SLC24A3: variants seen among roughly 807,000 people sequenced by gnomAD.
The protein encoded by SLC24A3 is solute carrier family 24 member 3, also known as sodium/potassium/calcium exchanger 3.
SLC24A3 carries 28 observed loss-of-function variants against 75.8 expected under a neutral mutation model. The observed-to-expected ratio is 0.37, with a 90% CI of 0.27 to 0.51. SLC24A3 has a LOEUF of 0.51. SLC24A3 is among the 20% of genes least tolerant of loss of function. The pLI, the probability that SLC24A3 is intolerant of heterozygous loss-of-function variation, is 0.94. For missense variants in SLC24A3, 663 were observed against 847.8 expected (o/e 0.78, Z 2.71); for synonymous variants, 372 against 334.1 (o/e 1.11, Z -1.24).
chr20:19,281,230 A>G, intron 2 of SLC24A3, 143 bp downstream of exon 2: 1 of 1,237,640 alleles, frequency 8.1e-7, no homozygotes, highest in Non-Finnish European at 1.1e-6. Flanking sequence ...AGAAACTTTC[A>G]GGTGACATCC....
Position 19,408,287 on chromosome 20 carries a change from AT to A in SLC24A3, c.272-107193del, listed in dbSNP as rs202228844. On this transcript the variant is annotated intron_variant, in intron 2 of 16. Transcript: ENST00000328041. ...TGTTGTCATTAAAAATTCTATAAAC[AT>A]TTTTTTTAAATCTACATAATGCTTT... is the stretch of plus-strand genomic sequence containing the variant. Among the ~76,000 whole-genome samples, 996 of 151,740 alleles carry A rather than the reference AT, an allele frequency of 6.6e-3. 9 individuals are homozygous for A. Among genetic ancestry groups the A allele is most frequent in the African/African-American group, 0.022 (891 of 41,380 alleles).
chr20:19,649,128 A>C, intron 6 of SLC24A3, among the ~76,000 whole-genome samples: 1 of 152,154 alleles, frequency 6.6e-6, no homozygotes, highest in East Asian at 1.9e-4. Context: ...TCATCAACCT[A>C]CTGTGGCTTG....
At chr20:19,288,936 C>A (rs1176863761) in intron 2 of SLC24A3, among the ~76,000 whole-genome samples, 1 of 152,198 alleles carries the variant, frequency 6.6e-6, no homozygotes, top group Non-Finnish European at 1.5e-5. Flanking sequence ...GCAACACAGA[C>A]CACAGGGCTT....
chr20:19,664,039 TC>T (rs1400633871), intron 7 of SLC24A3, among the ~76,000 whole-genome samples: 1 of 152,180 alleles, frequency 6.6e-6, no homozygotes, highest in Non-Finnish European at 1.5e-5. Context: ...TTGCCTGCCT[TC>T]CCTGATAGAA....
chr20:19,410,733 A>G (rs1024182), intron 2 of SLC24A3, among the ~76,000 whole-genome samples: 6,913 of 152,290 alleles, frequency 0.045, 539 homozygotes, highest in African/African-American at 0.16. Context: ...AAGTGAATGA[A>G]AGAATCCAAT....
chr20:19,457,572 G>T (rs1182110121), intron 2 of SLC24A3, among the ~76,000 whole-genome samples: 2 of 152,188 alleles, frequency 1.3e-5, no homozygotes, highest in Non-Finnish European at 2.9e-5. Flanking sequence ...CACTAGCTGG[G>T]AATATTTGAG....
chr20:19,589,439 C>T, intron 6 of SLC24A3, among the ~76,000 whole-genome samples: 1 of 152,142 alleles, frequency 6.6e-6, no homozygotes, highest in East Asian at 1.9e-4. Flanking sequence ...GCGGAGTGGA[C>T]CTTGGGGCCC....
chr20:19,466,510 T>C (rs1474341260), intron 2 of SLC24A3, among the ~76,000 whole-genome samples: 1 of 152,188 alleles, frequency 6.6e-6, no homozygotes, highest in Admixed American at 6.5e-5. Flanking sequence ...CTCTTATGCT[T>C]CTGGAATAGT....
At chr20:19,598,394 C>T (rs1329733444) in intron 6 of SLC24A3, among the ~76,000 whole-genome samples, 1 of 152,148 alleles carries the variant, frequency 6.6e-6, no homozygotes, top group Non-Finnish European at 1.5e-5. Context: ...ACGTGTCCGG[C>T]TTTCACTGGC....
At chr20:19,687,138 G>T (rs2032685673) in intron 12 of SLC24A3, among the ~76,000 whole-genome samples, 1 of 152,164 alleles carries the variant, frequency 6.6e-6, no homozygotes, top group African/African-American at 2.4e-5. Flanking sequence ...CGTAATGAAG[G>T]TGTAGCCAGG....
intron 15 of SLC24A3, among the ~76,000 whole-genome samples, chr20:19,701,590 C>T (rs778356699): frequency 8.5e-5 from 13 of 152,222 alleles, no homozygotes; most frequent in East Asian, 5.8e-4. Flanking sequence ...CTCAGTCATA[C>T]GTGACAAGGA....
At chr20:19,283,247 A>ACTGTT (rs141396719) in intron 2 of SLC24A3, 4,417 of 152,696 alleles carry the variant, frequency 0.029, 74 homozygotes, top group African/African-American at 0.037. Context: ...TCAAATCCTA[A>ACTGTT]CACATCAAGG....
chr20:19,589,381 G>A (rs528552363), intron 6 of SLC24A3, among the ~76,000 whole-genome samples: 56 of 152,350 alleles, frequency 3.7e-4, no homozygotes, highest in African/African-American at 1.2e-3. Flanking sequence ...GTTAAAGACT[G>A]CACTTAAGGG....
chr20:19,404,161 G>A (rs1175696761), intron 2 of SLC24A3, among the ~76,000 whole-genome samples: 1 of 152,144 alleles, frequency 6.6e-6, no homozygotes, highest in Non-Finnish European at 1.5e-5. Context: ...TTAAAATTCA[G>A]TTTTACTCAG....
At chr20:19,314,280 T>TATTTTATTTC (rs1984528163) in intron 2 of SLC24A3, among the ~76,000 whole-genome samples, 2 of 105,358 alleles carry the variant, frequency 1.9e-5, no homozygotes, top group Non-Finnish European at 3.6e-5. Flanking sequence ...TTTATTTATT[T>TATTTTATTTC]ATTTTATTTT....
chr20:19,325,790 A>ATG lies in SLC24A3; in HGVS notation c.271+44704_271+44705insGT, dbSNP rs1415148666. Among the ~76,000 whole-genome samples the ATG allele has an allele frequency of 2.2e-3, 219 of 97,388 alleles. 7 individuals are homozygous for ATG. The highest frequency in any genetic ancestry group is 7.8e-3 in the African/African-American group (213 of 27,280). The allele number at this position is 97,388 out of a possible 152,430, so 63.9% of individuals were successfully genotyped here. ...CATATATATATACATATATATATAT[A>ATG]TATATAGAGAGAGAGAGAGAGAGAG... On this transcript the variant is annotated intron_variant, in intron 2 of 16. Transcript: ENST00000328041.
chr20:19,392,278 G>A (rs1986380028), intron 2 of SLC24A3, among the ~76,000 whole-genome samples: 1 of 152,180 alleles, frequency 6.6e-6, no homozygotes, highest in African/African-American at 2.4e-5. Context: ...GTACAGGTGG[G>A]CAGAAGGGTG....
intron 2 of SLC24A3, among the ~76,000 whole-genome samples, chr20:19,380,371 C>T (rs1367763953): frequency 6.6e-6 from 1 of 152,142 alleles, no homozygotes; most frequent in African/African-American, 2.4e-5. Context: ...AATACTAGTC[C>T]TTGTGGGTTG....
At chr20:19,260,132 TTC>T (rs1447800132) in intron 1 of SLC24A3, among the ~76,000 whole-genome samples, 1 of 152,226 alleles carries the variant, frequency 6.6e-6, no homozygotes. Context: ...TTTTTTCTTT[TTC>T]TCTTTTTTCC....
Sources: gnomAD v4.1 joint callset for allele counts (sites outside exome capture counted in the v4.1 genomes callset) on GRCh38, gnomAD v4.1.1 for gene constraint, MANE v1.5 for transcripts, NCBI Gene and HGNC (gene_info 2026-07-23, HGNC 2026-07-21) for gene names.